The following ATAD2B variants were observed in gnomAD, a reference collection of about 807,000 sequenced individuals.
ATAD2B encodes ATPase family AAA domain-containing protein 2B.
ATAD2B carries 40 observed loss-of-function variants against 167.6 expected under a neutral mutation model. The observed-to-expected ratio is 0.24, with a 90% CI of 0.19 to 0.31. The LOEUF (loss-of-function observed/expected upper bound fraction) is 0.31, where lower values mean the gene tolerates loss of function less well. Ranked by LOEUF, ATAD2B falls within the 10% of genes least tolerant of loss-of-function variation. ATAD2B has a pLI of 1.00. For synonymous variants in ATAD2B, 579 were observed against 596.5 expected, an observed-to-expected ratio of 0.97 and a Z score of 0.43; for missense variants, 1,242 against 1,757.2, an observed-to-expected ratio of 0.71 and a Z score of 5.24.
the ATAD2B span, among the ~76,000 whole-genome samples, chr2:23,719,027 T>G: frequency 1.3e-5 from 2 of 152,182 alleles, no homozygotes; most frequent in Non-Finnish European, 2.9e-5. Context: ...AAACAACATA[T>G]TCACAGGTTC....
At chr2:23,897,833 A>G (rs1700328958) in intron 1 of ATAD2B, among the ~76,000 whole-genome samples, 1 of 152,202 alleles carries the variant, frequency 6.6e-6, no homozygotes, top group Non-Finnish European at 1.5e-5. Context: ...CTCTTAGTCA[A>G]TGATAGTATT....
chr2:23,686,979 G>A, the ATAD2B span, among the ~76,000 whole-genome samples: 29 of 152,264 alleles, frequency 1.9e-4, no homozygotes, highest in East Asian at 7.7e-4. Flanking sequence ...CTTTCCTGCC[G>A]TGTAAAATCA....
At chr2:23,904,537 CTTT>C (rs34666567) in intron 1 of ATAD2B, among the ~76,000 whole-genome samples, 60 of 137,668 alleles carry the variant, frequency 4.4e-4, no homozygotes, top group Admixed American at 1.2e-3. Flanking sequence ...ATTTTCCTTC[CTTT>C]TTTTTTTTTT....
chr2:23,907,769 T>A (rs1004223454), intron 1 of ATAD2B, among the ~76,000 whole-genome samples: 1 of 152,150 alleles, frequency 6.6e-6, no homozygotes, highest in African/African-American at 2.4e-5. Context: ...CAAAACAGCA[T>A]GGTACTGGTA....
At chr2:23,788,766 A>C in intron 19 of ATAD2B, 119 bp from the exon 20 acceptor site, 1 of 868,402 alleles carries the variant, frequency 1.2e-6, no homozygotes, top group South Asian at 2.1e-5. Context: ...TAGACCATTC[A>C]CATGGGGTTA....
the ATAD2B span, chr2:23,695,874 G>C: frequency 6.5e-7 from 1 of 1,535,376 alleles, no homozygotes; most frequent in Middle Eastern, 1.7e-4. This position sits in a 1 kb window ranked among gnomAD's most constrained non-coding sequence, Gnocchi z 7.6. Flanking sequence ...TGGGCTCAGT[G>C]GTTCCAGTGA....
At position 23,757,977 on chromosome 2, in the gene ATAD2B, C is replaced by T. The variant is rs180712902; in HGVS notation, c.3519G>A (p.Thr1173=). ...DTKFADYENH[T]EDRKLLENGE... ...CATTCTCTAATAATTTCCTGTCCTC[C>T]GTATGGTTCTCATAGTCTGCAAATT... The change falls in exon 25 of 28, where the codon ACG becomes ACA. Residue 1173 remains threonine, a synonymous_variant. Coordinates refer to ENST00000238789, the MANE Select transcript of ATAD2B (RefSeq NM_017552.4). 62 of 1,613,564 alleles carry T rather than the reference C, an allele frequency of 3.8e-5. No individual in the cohort carries two copies. In the African/African-American group the frequency reaches 4.1e-4, roughly 11 times the overall value.
chr2:23,918,903 G>A (rs765819755), intron 1 of ATAD2B, among the ~76,000 whole-genome samples: 2 of 152,186 alleles, frequency 1.3e-5, no homozygotes, highest in Admixed American at 6.5e-5. Context: ...TATAAAATGC[G>A]AGTATCATCA....
intron 14 of ATAD2B, among the ~76,000 whole-genome samples, chr2:23,830,109 G>A (rs1473632323): frequency 1.3e-5 from 2 of 152,064 alleles, no homozygotes; most frequent in South Asian, 2.1e-4. Context: ...TCAGCCTCCT[G>A]AGTAGCTGGG....
intron 2 of ATAD2B, among the ~76,000 whole-genome samples, chr2:23,889,483 T>C (rs935851491): frequency 1.3e-5 from 2 of 152,104 alleles, no homozygotes; most frequent in Non-Finnish European, 2.9e-5. Flanking sequence ...GACTGCCTTC[T>C]ATGTGGTTTG....
chr2:23,743,583 G>A, the ATAD2B span, among the ~76,000 whole-genome samples: 1 of 151,098 alleles, frequency 6.6e-6, no homozygotes, highest in African/African-American at 2.4e-5. Context: ...AAAAAAGAGA[G>A]AGAGAGTTGG....
chr2:23,924,474 C>A (rs1421459444), intron 1 of ATAD2B, among the ~76,000 whole-genome samples: 1 of 152,146 alleles, frequency 6.6e-6, no homozygotes, highest in Non-Finnish European at 1.5e-5. Context: ...CAGAAATATA[C>A]AACCTGCTTC....
chr2:23,717,389 G>C, the ATAD2B span, among the ~76,000 whole-genome samples: 2 of 152,086 alleles, frequency 1.3e-5, no homozygotes, highest in Admixed American at 6.6e-5. Context: ...AAACTAACCA[G>C]CCCAAGGCTT....
rs565943850 is a variant in ATAD2B, at chr2:23,792,259, G to A, written c.2641-3612C>T. Among the ~76,000 whole-genome samples, 16 of 151,988 alleles carry A rather than the reference G, an allele frequency of 1.1e-4. 1 individual carries two copies. In the South Asian group the frequency reaches 3.3e-3, roughly 32 times the overall value. On this transcript the variant is annotated intron_variant, in intron 19 of 27. Coordinates refer to ENST00000238789, the MANE Select transcript of ATAD2B (RefSeq NM_017552.4). ...AGACGGGGTTTCACTACGTTGGCCA[G>A]GATGGTCTCGATCTCCTGACCTCGT...
chr2:23,754,287 C>A lies in ATAD2B; in HGVS notation c.4227G>T (p.Val1409=). ...CAACTGCCAGATTGTTGCTTTTATC[C>A]ACCAACAAATCAAGCAATTTCTAAG... ...ERLKKLLDLL[V]DKSNNLAVDQ... is the part of the protein sequence containing the mutation. The change falls in exon 27 of 28, where the codon GTG becomes GTT. Residue 1409 remains valine (V), a synonymous_variant. Transcript: ENST00000238789. The A allele has an allele frequency of 6.4e-7, 1 of 1,557,212 alleles. No homozygotes were observed. The highest frequency in any genetic ancestry group is 8.7e-7 in the Non-Finnish European group (1 of 1,152,862).
At chr2:23,803,515 G>A (rs1683849076) in intron 18 of ATAD2B, among the ~76,000 whole-genome samples, 2 of 152,202 alleles carry the variant, frequency 1.3e-5, no homozygotes, top group Non-Finnish European at 2.9e-5. Flanking sequence ...ATCTATGGGT[G>A]TGGAGCCAGA....
intron 16 of ATAD2B, among the ~76,000 whole-genome samples, chr2:23,820,138 A>G (rs553879697): frequency 2.0e-5 from 3 of 152,130 alleles, no homozygotes; most frequent in Non-Finnish European, 4.4e-5. Context: ...TGGCTTAAAA[A>G]AAAAAAACAA....
Position 23,823,242 on chromosome 2 carries a change from AAGTAGTTTAG to A in ATAD2B, c.2131+6_2131+15del. 6.3e-7 allele frequency: 1 copy of A among 1,575,780 alleles called. No homozygotes were observed. The highest frequency in any genetic ancestry group is 8.7e-7 in the Non-Finnish European group (1 of 1,155,458). On this transcript the variant is annotated splice_donor_region_variant and intron_variant, in intron 16 of 27. Transcript: ENST00000238789. ...TTTGTTTCATCTTAACAATATAAAA[AAGTAGTTTAG>A]AGTACCTTCTTTTTTGTCACTCTGG... is the stretch of plus-strand genomic sequence containing the variant.
chr2:23,828,016 T>C (rs1688498358), intron 15 of ATAD2B, among the ~76,000 whole-genome samples: 2 of 152,192 alleles, frequency 1.3e-5, no homozygotes, highest in African/African-American at 4.8e-5. Flanking sequence ...AAGCTGTTGT[T>C]AGTGGACTTA....
Sources: gnomAD v4.1 joint callset for allele counts (sites outside exome capture counted in the v4.1 genomes callset) on GRCh38, gnomAD v4.1.1 for gene constraint, Gnocchi (gnomAD v3.1) non-coding constraint, MANE v1.5 for transcripts, NCBI Gene and HGNC (gene_info 2026-07-23, HGNC 2026-07-21) for gene names.